GABRA5: variants seen among roughly 807,000 people sequenced by gnomAD.
The protein encoded by GABRA5 is gamma-aminobutyric acid type A receptor subunit alpha5.
Under a neutral mutation model 47.3 loss-of-function variants are expected in GABRA5, and 18 were observed. That is an observed-to-expected ratio of 0.38 (90% confidence interval 0.26 to 0.56). The LOEUF is 0.56. Ranked by LOEUF, GABRA5 falls within the 20% of genes least tolerant of loss-of-function variation. GABRA5 has a pLI of 0.71. For missense variants in GABRA5, 365 were observed against 599.3 expected, an observed-to-expected ratio of 0.61 and a Z score of 4.08; for synonymous variants, 237 against 229.3, an observed-to-expected ratio of 1.03 and a Z score of -0.30.
At chr15:26,905,056 C>T (rs548148844) in intron 6 of GABRA5, among the ~76,000 whole-genome samples, 4 of 152,126 alleles carry the variant, frequency 2.6e-5, no homozygotes, top group African/African-American at 7.2e-5. Context: ...GAGAATTCTT[C>T]GAGCTTTTGC....
chr15:26,881,268 T>C (rs1292850352), intron 4 of GABRA5, among the ~76,000 whole-genome samples: 1 of 152,206 alleles, frequency 6.6e-6, no homozygotes, highest in African/African-American at 2.4e-5. Context: ...TCTTAATGTC[T>C]AGTCTGGTTA....
At chr15:26,874,322 T>TG (rs1892541321) in intron 3 of GABRA5, among the ~76,000 whole-genome samples, 1 of 128,184 alleles carries the variant, frequency 7.8e-6, no homozygotes, top group Non-Finnish European at 1.7e-5. Context: ...AATGCATTTT[T>TG]TTTTTAAATG....
chr15:26,932,631 A>G (rs1894135476), intron 7 of GABRA5, among the ~76,000 whole-genome samples: 1 of 152,248 alleles, frequency 6.6e-6, no homozygotes, highest in Admixed American at 6.5e-5. Context: ...ACAAAGGAAT[A>G]TAAATCATTA....
At chr15:26,919,675 C>T (rs1036078173) in intron 7 of GABRA5, among the ~76,000 whole-genome samples, 3 of 152,018 alleles carry the variant, frequency 2.0e-5, no homozygotes, top group African/African-American at 7.2e-5. Context: ...CTTTATTTGT[C>T]TGTGTAAATA....
intron 7 of GABRA5, among the ~76,000 whole-genome samples, chr15:26,928,768 T>C (rs1294245182): frequency 6.6e-6 from 1 of 152,206 alleles, no homozygotes; most frequent in Admixed American, 6.5e-5. Context: ...CAGAAACTTA[T>C]TTCTCACAGT....
chr15:26,877,365 C>A (rs1892624488), intron 3 of GABRA5, among the ~76,000 whole-genome samples: 1 of 152,052 alleles, frequency 6.6e-6, no homozygotes, highest in Non-Finnish European at 1.5e-5. Context: ...CACAATGGTG[C>A]CATTTAGAGG....
At chr15:26,901,579 G>A (rs1246021913) in intron 6 of GABRA5, among the ~76,000 whole-genome samples, 1 of 152,056 alleles carries the variant, frequency 6.6e-6, no homozygotes, top group Admixed American at 6.6e-5. Context: ...TATGCCTTCT[G>A]CAAATATTTT....
At chr15:26,946,433 G>GTTT (rs56708714) in intron 10 of GABRA5, among the ~76,000 whole-genome samples, 11 of 144,850 alleles carry the variant, frequency 7.6e-5, no homozygotes, top group Non-Finnish European at 9.1e-5. Flanking sequence ...CAATTTATCT[G>GTTT]TTTTTTTTTT....
intron 7 of GABRA5, among the ~76,000 whole-genome samples, chr15:26,934,920 G>A (rs1046205305): frequency 1.3e-5 from 2 of 152,214 alleles, no homozygotes; most frequent in South Asian, 2.1e-4. Flanking sequence ...AGCCCGATGC[G>A]AGTGAAAATG....
chr15:26,885,914 C>T (rs1892866847), intron 6 of GABRA5, among the ~76,000 whole-genome samples: 1 of 152,152 alleles, frequency 6.6e-6, no homozygotes, highest in African/African-American at 2.4e-5. Context: ...ACTCCTGGTC[C>T]TCGTCGGACT....
intron 6 of GABRA5, among the ~76,000 whole-genome samples, chr15:26,909,372 C>G (rs1024966956): frequency 5.3e-5 from 8 of 152,144 alleles, no homozygotes; most frequent in African/African-American, 1.9e-4. Context: ...GTCCTTTTTG[C>G]TATAAGGGAA....
chr15:26,883,560 G>A lies in GABRA5; in HGVS notation c.497+3G>A. 1 of 1,585,680 alleles carries A rather than the reference G, an allele frequency of 6.3e-7. No homozygotes were observed. Among genetic ancestry groups the A allele is most frequent in the Non-Finnish European group, 8.6e-7 (1 of 1,163,484 alleles). ...GGCACCCTGCTCTACACCATGCGGTGAGCGCCGGGCGGGGGCGGGCGGGGC... is the reference window on the plus strand; with the variant it reads ...GGCACCCTGCTCTACACCATGCGGTAAGCGCCGGGCGGGGGCGGGCGGGGC... On this transcript the variant is annotated splice_donor_region_variant and intron_variant, in intron 6 of 10. Transcript: ENST00000335625. The surrounding 1 kb of genome is among the most constrained non-coding windows in gnomAD (Gnocchi z 4.8).
At chr15:26,874,538 T>TG (rs1247295611) in intron 3 of GABRA5, among the ~76,000 whole-genome samples, 1 of 152,032 alleles carries the variant, frequency 6.6e-6, no homozygotes, top group Non-Finnish European at 1.5e-5. Flanking sequence ...AGGGAAGGAA[T>TG]GGGGGGAGGA....
chr15:26,890,502 G>A (rs1326736850), intron 6 of GABRA5, among the ~76,000 whole-genome samples: 1 of 139,840 alleles, frequency 7.2e-6, no homozygotes, highest in East Asian at 2.2e-4. Context: ...ATTGAGCCTT[G>A]TTCCCAAGGT....
chr15:26,910,873 A>G (rs1893565626), intron 6 of GABRA5, among the ~76,000 whole-genome samples: 1 of 152,070 alleles, frequency 6.6e-6, no homozygotes, highest in Non-Finnish European at 1.5e-5. Flanking sequence ...TTGCGCTATG[A>G]CAGTCACCCA....
At chr15:26,922,539 T>C (rs1893867545) in intron 7 of GABRA5, among the ~76,000 whole-genome samples, 3 of 152,212 alleles carry the variant, frequency 2.0e-5, no homozygotes, top group South Asian at 2.1e-4. Context: ...TTTTAATTGA[T>C]ATATTTACAC....
intron 6 of GABRA5, among the ~76,000 whole-genome samples, chr15:26,890,660 C>CT (rs1347575609): frequency 6.6e-6 from 1 of 152,110 alleles, no homozygotes; most frequent in East Asian, 1.9e-4. Context: ...GCCCCACTGC[C>CT]TTTGACTTCC....
At chr15:26,875,645 T>C (rs1277383200) in intron 3 of GABRA5, among the ~76,000 whole-genome samples, 1 of 152,014 alleles carries the variant, frequency 6.6e-6, no homozygotes, top group African/African-American at 2.4e-5. Flanking sequence ...GGCAGGTGCA[T>C]GCTTGATGTG....
chr15:26,947,771 G>T lies in GABRA5; in HGVS notation c.1090-163G>T, dbSNP rs552671849. Among the ~76,000 whole-genome samples, 3 of 152,310 alleles carry T rather than the reference G, an allele frequency of 2.0e-5. No homozygotes were observed. In the South Asian group the frequency reaches 6.2e-4, roughly 32 times the overall value. On this transcript the variant is annotated intron_variant, in intron 10 of 10. Transcript: ENST00000335625. Reference sequence around the variant, plus strand: ...CTTTAATAGCAATCATAGCTCTCATGTGTGCCCTGTCTGCAGGCTACCTGG... The same window carrying T: ...CTTTAATAGCAATCATAGCTCTCATTTGTGCCCTGTCTGCAGGCTACCTGG...
Sources: gnomAD v4.1 joint callset for allele counts (sites outside exome capture counted in the v4.1 genomes callset) on GRCh38, gnomAD v4.1.1 for gene constraint, Gnocchi (gnomAD v3.1) non-coding constraint, MANE v1.5 for transcripts, NCBI Gene and HGNC (gene_info 2026-07-23, HGNC 2026-07-21) for gene names.